Variants in ZNF697 observed in about 807,000 individuals in gnomAD.
ZNF697 encodes zinc finger protein 697.
Under a neutral mutation model 32.4 loss-of-function variants are expected in ZNF697, and 23 were observed. The ratio of observed to expected loss-of-function variants is 0.71; its 90% CI spans 0.51 to 1.01. The LOEUF is 1.01. ZNF697 is among the 50% of genes least tolerant of loss of function. ZNF697 has a pLI of 0.00. For missense variants in ZNF697, 930 were observed against 794.0 expected (o/e 1.17, Z -2.06); for synonymous variants, 418 against 337.2 (o/e 1.24, Z -2.62).
chr1:119,637,984 AAGAG>A (rs370378866), intron 1 of ZNF697, among the ~76,000 whole-genome samples: 19 of 151,894 alleles, frequency 1.3e-4, no homozygotes, highest in African/African-American at 4.6e-4. Flanking sequence ...AGAGAGAGAA[AAGAG>A]AGAGAGAAAG....
In ZNF697 at chr1:119,623,735, G is replaced by C. The variant is rs1239747706; in HGVS notation, c.608C>G (p.Ala203Gly). The C allele has an allele frequency of 5.9e-6, 9 of 1,533,834 alleles. No individual in the cohort carries two copies. In the Admixed American group the frequency reaches 5.9e-5, roughly 10 times the overall value. The change falls in exon 3 of 3, where the codon GCC (alanine) becomes GGC (glycine). Residue 203 changes from alanine (A) to glycine (G), a missense_variant. Physicochemically the swap from Ala to Gly is moderately conservative, Grantham distance 60. Coordinates refer to ENST00000421812, the MANE Select transcript of ZNF697 (RefSeq NM_001080470.2). ...DCGESFSPGA[A>G]FLQHQRIHRL... ...GTGAATGCGCTGGTGCTGCAGGAAG[G>C]CGGCGCCAGGACTGAAGCTCTCCCC...
intron 1 of ZNF697, among the ~76,000 whole-genome samples, chr1:119,647,303 C>G (rs1649239043): frequency 6.6e-6 from 1 of 152,172 alleles, no homozygotes; most frequent in African/African-American, 2.4e-5. Flanking sequence ...CCTCGGCATC[C>G]CCGCGAGGTG....
chr1:119,642,468 G>A (rs587685738), intron 1 of ZNF697, among the ~76,000 whole-genome samples: 5 of 152,212 alleles, frequency 3.3e-5, no homozygotes, highest in South Asian at 2.1e-4. Context: ...TGTGAGGGCC[G>A]GAGGCAGACA....
chr1:119,631,086 G>A (rs1648749525), intron 1 of ZNF697, among the ~76,000 whole-genome samples: 1 of 152,360 alleles, frequency 6.6e-6, no homozygotes, highest in Middle Eastern at 3.4e-3. Context: ...GGGCAGAGGA[G>A]TGTACACAAC....
chr1:119,632,633 G>A (rs191471059), intron 1 of ZNF697, among the ~76,000 whole-genome samples: 149 of 152,306 alleles, frequency 9.8e-4, no homozygotes, highest in Admixed American at 1.8e-3. Flanking sequence ...CCTGTCCATC[G>A]GTTGGGCTAG....
intron 1 of ZNF697, among the ~76,000 whole-genome samples, chr1:119,633,356 ATGTGTGTGTGTG>A (rs58387828): frequency 0.049 from 6,992 of 143,216 alleles, 541 homozygotes; most frequent in African/African-American, 0.16. Context: ...AACCAATAGG[ATGTGTGTGTGTG>A]TGTGTGTGTG....
intron 1 of ZNF697, among the ~76,000 whole-genome samples, chr1:119,627,349 C>T (rs1445736636): frequency 6.6e-6 from 1 of 152,182 alleles, no homozygotes. Flanking sequence ...GTTGGAAATT[C>T]CAGCTGGGTC....
intron 1 of ZNF697, among the ~76,000 whole-genome samples, chr1:119,634,352 T>C (rs1248997349): frequency 6.6e-6 from 1 of 152,200 alleles, no homozygotes; most frequent in Non-Finnish European, 1.5e-5. Flanking sequence ...GTGTTGTTGA[T>C]GAAGAATGGC....
chr1:119,638,879 A>AGGAG (rs1219074067), intron 1 of ZNF697, among the ~76,000 whole-genome samples: 1 of 152,334 alleles, frequency 6.6e-6, no homozygotes, highest in African/African-American at 2.4e-5. Context: ...GCACATGCGA[A>AGGAG]GGAGTCAACA....
At position 119,648,231 on chromosome 1, in the gene ZNF697, T is replaced by TGGCTGGCTGGCTCGCTGGCTGGCTGCCC; in HGVS notation, c.-579_-578insGGGCAGCCAGCCAGCGAGCCAGCCAGCC. On this transcript the variant is annotated 5_prime_UTR_variant, in exon 1 of 3. Transcript: ENST00000421812. ...CTGGCTGGCTGGCTGGCTGGCTGGC[T>TGGCTGGCTGGCTCGCTGGCTGGCTGCCC]GGCTCGCTGGCTGGCTGCCCGGCTG... 6.6e-6 allele frequency among the ~76,000 whole-genome samples: 1 copy of TGGCTGGCTGGCTCGCTGGCTGGCTGCCC among 151,754 alleles called. No individual in the cohort carries two copies. Among genetic ancestry groups the TGGCTGGCTGGCTCGCTGGCTGGCTGCCC allele is most frequent in the Admixed American group, 6.6e-5 (1 of 15,250 alleles).
At chr1:119,639,415 T>C (rs1026926969) in intron 1 of ZNF697, among the ~76,000 whole-genome samples, 1 of 152,196 alleles carries the variant, frequency 6.6e-6, no homozygotes, top group Non-Finnish European at 1.5e-5. Context: ...CAATGTAGCC[T>C]AAGGCTCTCT....
chr1:119,636,856 T>A (rs1425956689), intron 1 of ZNF697, among the ~76,000 whole-genome samples: 1 of 152,234 alleles, frequency 6.6e-6, no homozygotes, highest in African/African-American at 2.4e-5. Context: ...TTAGTTCACC[T>A]GCTCTTCACT....
intron 1 of ZNF697, among the ~76,000 whole-genome samples, chr1:119,629,081 G>A (rs996684585): frequency 6.6e-6 from 1 of 152,126 alleles, no homozygotes; most frequent in African/African-American, 2.4e-5. Flanking sequence ...GCAGAGCAGG[G>A]ATACATACCC....
chr1:119,638,175 A>G (rs1648976338), intron 1 of ZNF697, among the ~76,000 whole-genome samples: 1 of 152,212 alleles, frequency 6.6e-6, no homozygotes, highest in Admixed American at 6.5e-5. Flanking sequence ...TTCTCCTGCA[A>G]TGCCATTTTT....
chr1:119,648,223 TG>T lies in ZNF697; in HGVS notation c.-571del, dbSNP rs1649275946. ...CTGGTTGGCTGGCTGGCTGGCTGGCTGGCTGGCTGGCTCGCTGGCTGGCTGC... is the reference window on the plus strand; with the variant it reads ...CTGGTTGGCTGGCTGGCTGGCTGGCTGCTGGCTGGCTCGCTGGCTGGCTGC... On this transcript the variant is annotated 5_prime_UTR_variant, in exon 1 of 3. Coordinates refer to ENST00000421812, the MANE Select transcript of ZNF697 (RefSeq NM_001080470.2). Among the ~76,000 whole-genome samples, 1 of 151,630 alleles carries T rather than the reference TG, an allele frequency of 6.6e-6. No homozygotes were observed.
chr1:119,635,058 T>C (rs895728839), intron 1 of ZNF697, among the ~76,000 whole-genome samples: 14 of 152,250 alleles, frequency 9.2e-5, no homozygotes, highest in Admixed American at 2.6e-4. Context: ...TTGACCACTG[T>C]TGAAGCTGGA....
At chr1:119,624,232 T>C in intron 2 of ZNF697, 116 bp from the exon 3 acceptor site, 1 of 1,280,594 alleles carries the variant, frequency 7.8e-7, no homozygotes, top group Non-Finnish European at 1.0e-6. Context: ...TCTGGATCCC[T>C]GCCCCTCCAA....
chr1:119,626,912 A>G (rs975826064), intron 1 of ZNF697, among the ~76,000 whole-genome samples: 6 of 152,312 alleles, frequency 3.9e-5, no homozygotes, highest in Non-Finnish European at 8.8e-5. Context: ...ATTGTAGAGA[A>G]CCCTTAACAG....
chr1:119,640,109 ATACT>A (rs1293803824), intron 1 of ZNF697, among the ~76,000 whole-genome samples: 12 of 152,196 alleles, frequency 7.9e-5, no homozygotes, highest in African/African-American at 2.4e-4. Flanking sequence ...AAATAGAATC[ATACT>A]TACAATAATT....
Sources: gnomAD v4.1 joint callset for allele counts (sites outside exome capture counted in the v4.1 genomes callset) on GRCh38, gnomAD v4.1.1 for gene constraint, MANE v1.5 for transcripts, NCBI Gene and HGNC (gene_info 2026-07-23, HGNC 2026-07-21) for gene names.